MYO16: variants seen among roughly 807,000 people sequenced by gnomAD.
MYO16 encodes the protein myosin XVI, also known as unconventional myosin-XVI.
A neutral mutation model predicts 205.3 loss-of-function variants in MYO16; 94 were observed. The observed-to-expected ratio is 0.46, with a 90% CI of 0.39 to 0.54. The LOEUF is 0.54. Among genes scored for constraint, MYO16 ranks in the 20% least tolerant of loss-of-function variants. MYO16 has a pLI of 0.00. For synonymous variants in MYO16, 988 were observed against 954.0 expected, an observed-to-expected ratio of 1.04 and a Z score of -0.66; for missense variants, 2,315 against 2,387.5, an observed-to-expected ratio of 0.97 and a Z score of 0.63.
chr13:109,113,062 A>G (rs935370090), intron 28 of MYO16, among the ~76,000 whole-genome samples: 1 of 152,242 alleles, frequency 6.6e-6, no homozygotes, highest in African/African-American at 2.4e-5. Context: ...TAATTGATTT[A>G]TTATTATAAG....
intron 2 of MYO16, among the ~76,000 whole-genome samples, chr13:108,669,051 A>G (rs75018717): frequency 6.6e-6 from 1 of 152,012 alleles, no homozygotes; most frequent in Non-Finnish European, 1.5e-5. Context: ...ACTCATGAGC[A>G]TATAGATGAT....
chr13:108,691,947 C>G (rs1882913152), intron 2 of MYO16, among the ~76,000 whole-genome samples: 2 of 152,160 alleles, frequency 1.3e-5, no homozygotes, highest in Admixed American at 6.5e-5. Context: ...GAGGTCACAA[C>G]TCAGTGACAA....
Position 108,622,298 on chromosome 13 carries a change from A to C in MYO16, c.-39+26059A>C, listed in dbSNP as rs116022779. Reference sequence around the variant, plus strand: ...ATGGTTGGAATTGTACTTGTTGAGCACCTAGCTTGTACAGAAGAACCCTGG... The same window carrying C: ...ATGGTTGGAATTGTACTTGTTGAGCCCCTAGCTTGTACAGAAGAACCCTGG... On this transcript the variant is annotated intron_variant, in intron 1 of 24. Coordinates refer to the MYO16 transcript ENST00000251041. 3.6e-3 allele frequency among the ~76,000 whole-genome samples: 550 copies of C among 152,296 alleles called. 4 individuals are homozygous for C. The highest frequency in any genetic ancestry group is 0.013 in the African/African-American group (529 of 41,562).
chr13:108,506,571 T>C, the MYO16 span, among the ~76,000 whole-genome samples: 1 of 152,136 alleles, frequency 6.6e-6, no homozygotes, highest in Non-Finnish European at 1.5e-5. Flanking sequence ...TGTATGTGTG[T>C]ATGTGTGTGT....
At chr13:108,802,287 T>TA (rs1370268646) in intron 6 of MYO16, among the ~76,000 whole-genome samples, 1 of 152,214 alleles carries the variant, frequency 6.6e-6, no homozygotes, top group Non-Finnish European at 1.5e-5. Context: ...TTCTTCTCTC[T>TA]ACTTTTATGA....
At chr13:109,179,495 G>A in intron 33 of MYO16, 47 bp from the exon 34 acceptor site, 3 of 1,232,530 alleles carry the variant, frequency 2.4e-6, no homozygotes, top group Non-Finnish European at 3.6e-6. Context: ...ACTTTATTTG[G>A]AACAAGGAGA....
At chr13:108,961,027 A>T (rs1883559418) in intron 17 of MYO16, among the ~76,000 whole-genome samples, 1 of 152,186 alleles carries the variant, frequency 6.6e-6, no homozygotes, top group Non-Finnish European at 1.5e-5. Context: ...TTTTTCCAGG[A>T]GAAGTAAACA....
intron 32 of MYO16, among the ~76,000 whole-genome samples, chr13:109,159,163 A>G (rs9514997): frequency 0.17 from 26,404 of 152,240 alleles, 2,342 homozygotes; most frequent in East Asian, 0.27. Context: ...TAAGTTAACA[A>G]GCTTAGGTAG....
the MYO16 span, among the ~76,000 whole-genome samples, chr13:108,583,553 T>C: frequency 6.6e-6 from 1 of 152,230 alleles, no homozygotes; most frequent in Non-Finnish European, 1.5e-5. Flanking sequence ...AGTGATATAC[T>C]ATTTTTTAAT....
chr13:108,650,566 T>C lies in MYO16; in HGVS notation c.29-15320T>C, dbSNP rs147002535. 1.2e-4 allele frequency among the ~76,000 whole-genome samples: 19 copies of C among 152,338 alleles called. No homozygotes were observed. In the East Asian group the frequency reaches 3.7e-3, roughly 29 times the overall value. ...TTCAGAGCAGAAAGATCGTTCAACA[T>C]TTGAGGGTTCAAAAATGTATATTTA... On this transcript the variant is annotated intron_variant, in intron 1 of 34. Transcript: ENST00000457511.
chr13:109,183,714 G>T (rs1001391361), intron 34 of MYO16, among the ~76,000 whole-genome samples: 5 of 152,042 alleles, frequency 3.3e-5, no homozygotes, highest in African/African-American at 9.7e-5. Context: ...TTTTTGTAAA[G>T]AACATAAAAA....
intron 16 of MYO16, among the ~76,000 whole-genome samples, chr13:108,952,111 C>CAATAAATAAATAAATA (rs142142365): frequency 7.2e-6 from 1 of 138,568 alleles, no homozygotes; most frequent in Non-Finnish European, 1.6e-5. Flanking sequence ...GACTCCATCT[C>CAATAAATAAATAAATA]AATAAATAAA....
At position 109,125,456 on chromosome 13, in the gene MYO16, T is replaced by C. The variant is rs1876204225; in HGVS notation, c.3782+98T>C. 2.0e-6 allele frequency: 3 copies of C among 1,479,934 alleles called. No homozygotes were observed. The highest frequency in any genetic ancestry group is 2.8e-6 in the Non-Finnish European group (3 of 1,090,424). The allele number at this position is 1,479,934 out of a possible 1,614,324, so 91.7% of individuals were successfully genotyped here. On this transcript the variant is annotated intron_variant, in intron 30 of 34. Coordinates refer to ENST00000457511, the MANE Select transcript of MYO16 (RefSeq NM_001198950.3). This position sits in a 1 kb window ranked among gnomAD's most constrained non-coding sequence, Gnocchi z 4.0. ...CCTTAATGCAGAGTTCAATCAAATA[T>C]GACAGGAGTTGCAGGAACAGGCATG...
chr13:109,162,505 A>G lies in MYO16; in HGVS notation c.5165-2396A>G, dbSNP rs1045726245. ...TTTCTAAAATCACGAGCTGAAATGC[A>G]ACCTCATGGACCTCACCCACCTTGC... On this transcript the variant is annotated intron_variant, in intron 32 of 34. Transcript: ENST00000457511. This position sits in a 1 kb window ranked among gnomAD's most constrained non-coding sequence, Gnocchi z 4.6. 5.9e-5 allele frequency among the ~76,000 whole-genome samples: 9 copies of G among 152,298 alleles called. 1 individual carries two copies. In the East Asian group the frequency reaches 1.5e-3, roughly 26 times the overall value.
At chr13:108,972,351 CATATATATATATATAT>C (rs869041443) in intron 20 of MYO16, among the ~76,000 whole-genome samples, 535 of 17,448 alleles carry the variant, frequency 0.031, 59 homozygotes, top group Non-Finnish European at 0.035. Flanking sequence ...TATATATAGC[CATATATATATATATAT>C]ATATATATAT....
Position 108,991,466 on chromosome 13 carries a change from T to C in MYO16, c.2370-910T>C, listed in dbSNP as rs187719362. Among the ~76,000 whole-genome samples, 17 of 152,366 alleles carry C rather than the reference T, an allele frequency of 1.1e-4. No homozygotes were observed. The East Asian group carries it at 3.1e-3, about 28-fold the overall frequency. ...ATTACTTCTGGAAGAACTTTTAAAG[T>C]GACTAAATTTGATCCATCAAAGAAC... is the stretch of plus-strand genomic sequence containing the variant. On this transcript the variant is annotated intron_variant, in intron 20 of 34. Coordinates refer to ENST00000457511, the MANE Select transcript of MYO16 (RefSeq NM_001198950.3).
intron 16 of MYO16, among the ~76,000 whole-genome samples, chr13:108,917,437 G>A (rs1432618790): frequency 1.3e-5 from 2 of 152,196 alleles, no homozygotes; most frequent in Middle Eastern, 3.2e-3. Context: ...CTCCCAGCCC[G>A]GCAGGTGAAG....
chr13:108,881,262 A>G (rs1879601197), intron 12 of MYO16, among the ~76,000 whole-genome samples: 2 of 152,224 alleles, frequency 1.3e-5, no homozygotes, highest in South Asian at 4.1e-4. Context: ...AACAGAAAGG[A>G]CATCCACACC....
intron 1 of MYO16, among the ~76,000 whole-genome samples, chr13:108,617,502 C>T (rs1478569896): frequency 6.6e-6 from 1 of 152,158 alleles, no homozygotes; most frequent in Non-Finnish European, 1.5e-5. Context: ...CACTATAGCA[C>T]TGAACAACCT....
Sources: allele counts gnomAD v4.1 joint callset (sites outside exome capture counted in the v4.1 genomes callset), GRCh38; gene constraint gnomAD v4.1.1; non-coding constraint Gnocchi (gnomAD v3.1); transcripts MANE v1.5; gene names NCBI Gene and HGNC (gene_info 2026-07-23, HGNC 2026-07-21).